The following CFAP54 variants were observed in gnomAD, a reference collection of about 807,000 sequenced individuals.
The protein encoded by CFAP54 is cilia and flagella associated protein 54, also known as cilia- and flagella-associated protein 54.
CFAP54 carries 290 observed loss-of-function variants against 370.4 expected under a neutral mutation model. The observed-to-expected ratio is 0.78, with a 90% CI of 0.71 to 0.86. The LOEUF is 0.86. Among genes scored for constraint, CFAP54 ranks in the 40% least tolerant of loss-of-function variants. The probability of loss-of-function intolerance (pLI) is 0.00; values close to 1 mark genes in which losing one functional copy is unlikely to be tolerated. For synonymous variants in CFAP54, 1,206 were observed against 1,236.5 expected (o/e 0.98, Z 0.52); for missense variants, 3,399 against 3,528.7 (o/e 0.96, Z 0.93).
In CFAP54 at chr12:96,657,901, A is replaced by C. The variant is rs1336739164; in HGVS notation, c.5120A>C (p.Glu1707Ala). Residue 1707 changes from glutamate (E) to alanine (A), a missense_variant, in exon 37 of 68, where the codon GAA becomes GCA. By Grantham distance (107) the Glu-to-Ala change is moderately radical. This residue lies in a region of CFAP54 where 2,796 missense variants were observed against 2,869.7 expected (regional missense o/e 0.97). Coordinates refer to ENST00000524981, the MANE Select transcript of CFAP54 (RefSeq NM_001306084.2). Reference protein sequence around the residue: ...SSIKPIEDKGEFSVPSCYGNI... With the variant: ...SSIKPIEDKGAFSVPSCYGNI... ...TTGCAGCCTATTGAAGACAAAGGAG[A>C]ATTCAGTGTTCCAAGCTGTTATGGG... 1 of 1,611,742 alleles carries C rather than the reference A, an allele frequency of 6.2e-7. No individual in the cohort carries two copies. Among genetic ancestry groups the C allele is most frequent in the Admixed American group, 1.7e-5 (1 of 59,562 alleles).
chr12:96,503,068 C>G (rs549585857), intron 2 of CFAP54, among the ~76,000 whole-genome samples: 1 of 115,610 alleles, frequency 8.6e-6, no homozygotes, highest in Non-Finnish European at 1.8e-5. Context: ...TTCTCTCTCT[C>G]TCTTTCTTTC....
At chr12:96,728,423 C>A (rs9669040) in intron 50 of CFAP54, among the ~76,000 whole-genome samples, 57,244 of 151,872 alleles carry the variant, frequency 0.38, 11,889 homozygotes, top group East Asian at 0.68. Flanking sequence ...TCATTTCATT[C>A]ATTTCATCTT....
intron 39 of CFAP54, among the ~76,000 whole-genome samples, chr12:96,664,759 A>ATCTATATCTATATCTATATC (rs1555283277): frequency 3.8e-5 from 1 of 26,134 alleles, no homozygotes; most frequent in East Asian, 1.3e-3. Context: ...ATATATCTAT[A>ATCTATATCTATATCTATATC]TATATCTATA....
chr12:96,657,421 C>T (rs1392376021), intron 36 of CFAP54, among the ~76,000 whole-genome samples: 1 of 152,116 alleles, frequency 6.6e-6, no homozygotes, highest in Non-Finnish European at 1.5e-5. Context: ...TACTAAAGTC[C>T]AGTTTCTTCC....
rs900916242 is a variant in CFAP54 at position 96,542,936 on chromosome 12, T to C, written c.2077+1949T>C. ...TTATCTTTTGAAGAAACTGAGTCAT[T>C]ATCCTGTGGGATTTTCCACATTCTG... On this transcript the variant is annotated intron_variant, in intron 14 of 67. Transcript: ENST00000524981. Among the ~76,000 whole-genome samples, 6 of 152,366 alleles carry C rather than the reference T, an allele frequency of 3.9e-5. No homozygotes were observed. The South Asian group carries it at 1.2e-3, about 32-fold the overall frequency.
intron 39 of CFAP54, among the ~76,000 whole-genome samples, chr12:96,670,010 G>T (rs1214978790): frequency 6.6e-6 from 1 of 152,170 alleles, no homozygotes; most frequent in Non-Finnish European, 1.5e-5. Flanking sequence ...TAACACAATG[G>T]AAAGTCTGTT....
rs1028226720 is a variant in CFAP54, at chr12:96,602,150, T to C, written c.3639+3383T>C. ...TAAATGTATGCCAGAGATTCTGATA[T>C]GTTTTGTCTTTGTTCCATTGCTTTC... On this transcript the variant is annotated intron_variant, in intron 26 of 67. Coordinates refer to ENST00000524981, the MANE Select transcript of CFAP54 (RefSeq NM_001306084.2). Among the ~76,000 whole-genome samples, 5 of 62,774 alleles carry C rather than the reference T, an allele frequency of 8.0e-5. No homozygotes were observed. The Admixed American group carries it at 1.0e-3, about 13-fold the overall frequency. The allele number at this position is 62,774 out of a possible 152,430, so 41.2% of individuals were successfully genotyped here. A position where few individuals can be genotyped will look rare whatever the true frequency, so the allele number is the denominator to read the frequency against.
intron 26 of CFAP54, among the ~76,000 whole-genome samples, chr12:96,620,945 A>T (rs79216211): frequency 8.7e-4 from 132 of 152,326 alleles, no homozygotes; most frequent in African/African-American, 2.9e-3. Context: ...CAAGGAGATG[A>T]GTGGTGGAAG....
At chr12:96,857,232 G>A (rs191054267) in intron 66 of CFAP54, among the ~76,000 whole-genome samples, 25 of 152,278 alleles carry the variant, frequency 1.6e-4, no homozygotes, top group Admixed American at 1.4e-3. Context: ...TGGGGACACA[G>A]CCAAACCTTA....
At chr12:96,858,163 A>G (rs1959765321) in intron 66 of CFAP54, among the ~76,000 whole-genome samples, 1 of 152,130 alleles carries the variant, frequency 6.6e-6, no homozygotes, top group Non-Finnish European at 1.5e-5. Flanking sequence ...CAACCTTACT[A>G]GCATCTGTTA....
intron 26 of CFAP54, among the ~76,000 whole-genome samples, chr12:96,600,332 T>A (rs1162692936): frequency 2.0e-5 from 3 of 147,682 alleles, no homozygotes; most frequent in Non-Finnish European, 4.6e-5. Context: ...TATTTCTGAG[T>A]CCATTGGCCT....
At chr12:96,557,378 A>C (rs1346383095) in intron 17 of CFAP54, among the ~76,000 whole-genome samples, 1 of 152,180 alleles carries the variant, frequency 6.6e-6, no homozygotes, top group Non-Finnish European at 1.5e-5. Context: ...TGGCCAATAT[A>C]ATTATTTTGT....
At chr12:96,538,557 T>C in intron 13 of CFAP54, 39 bp downstream of exon 13, 1 of 1,527,014 alleles carries the variant, frequency 6.5e-7, no homozygotes, top group Non-Finnish European at 8.8e-7. Flanking sequence ...TTTTTTTTGC[T>C]ATTGCTTATT....
At position 96,492,513 on chromosome 12, in the gene CFAP54, G is replaced by C. The variant is rs553489988; in HGVS notation, c.317+2587G>C. On this transcript the variant is annotated intron_variant, in intron 1 of 67. Coordinates refer to ENST00000524981, the MANE Select transcript of CFAP54 (RefSeq NM_001306084.2). Reference sequence around the variant, plus strand: ...AGAGTGGCCTTTCCTATCGAATGCAGATTCACTCATAGGTTTATATTTTTT... The same window carrying C: ...AGAGTGGCCTTTCCTATCGAATGCACATTCACTCATAGGTTTATATTTTTT... Among the ~76,000 whole-genome samples the C allele has an allele frequency of 4.6e-5, 7 of 152,292 alleles. No homozygotes were observed. In the East Asian group the frequency reaches 1.4e-3, roughly 29 times the overall value.
intron 5 of CFAP54, among the ~76,000 whole-genome samples, chr12:96,516,731 T>A (rs1955240089): frequency 6.6e-6 from 1 of 152,260 alleles, no homozygotes; most frequent in Non-Finnish European, 1.5e-5. Flanking sequence ...GATTTCTGTT[T>A]CATTTTACTA....
At chr12:96,511,133 C>G (rs866375863) in intron 4 of CFAP54, among the ~76,000 whole-genome samples, 12 of 151,940 alleles carry the variant, frequency 7.9e-5, no homozygotes, top group Non-Finnish European at 1.8e-4. Flanking sequence ...ATGAATAATG[C>G]CAAGTCCCTG....
At chr12:96,796,274 G>A (rs757245746) in intron 63 of CFAP54, among the ~76,000 whole-genome samples, 2 of 152,042 alleles carry the variant, frequency 1.3e-5, no homozygotes, top group African/African-American at 2.4e-5. Context: ...CTGCAAGTTC[G>A]GCCTATCTCC....
At chr12:96,562,792 T>G (rs1194934992) in intron 17 of CFAP54, among the ~76,000 whole-genome samples, 1 of 152,152 alleles carries the variant, frequency 6.6e-6, no homozygotes, top group Non-Finnish European at 1.5e-5. Flanking sequence ...ATACTCTTCA[T>G]CTTTTTACAT....
chr12:96,863,500 C>G (rs1330774980), intron 67 of CFAP54, among the ~76,000 whole-genome samples: 2 of 152,156 alleles, frequency 1.3e-5, no homozygotes, highest in Non-Finnish European at 2.9e-5. Context: ...GATTTAAATC[C>G]TCCCGGAAGA....
Sources: gnomAD v4.1 joint callset for allele counts (sites outside exome capture counted in the v4.1 genomes callset) on GRCh38, gnomAD v4.1.1 for gene constraint, gnomAD v4.1.1 regional missense constraint, MANE v1.5 for transcripts, NCBI Gene and HGNC (gene_info 2026-07-23, HGNC 2026-07-21) for gene names.